The following VCPKMT variants were observed in gnomAD, a reference collection of about 807,000 sequenced individuals.
The protein encoded by VCPKMT is protein N-lysine methyltransferase METTL21D.
VCPKMT carries 32 observed loss-of-function variants against 28.6 expected under a neutral mutation model. The observed-to-expected ratio is 1.12, with a 90% confidence interval of 0.84 to 1.50. The LOEUF (loss-of-function observed/expected upper bound fraction) is 1.50, where lower values mean the gene tolerates loss of function less well. VCPKMT is among the 40% of genes most tolerant of loss of function. The pLI, the probability that VCPKMT is intolerant of heterozygous loss-of-function variation, is 0.00. For missense variants in VCPKMT, 366 were observed against 285.0 expected, an observed-to-expected ratio of 1.28 and a Z score of -2.05; for synonymous variants, 138 against 111.4, an observed-to-expected ratio of 1.24 and a Z score of -1.50.
chr14:50,112,616 G>A lies in VCPKMT; in HGVS notation c.674C>T (p.Ser225Leu), dbSNP rs750264926. 1.8e-5 allele frequency: 27 copies of A among 1,520,884 alleles called. No homozygotes were observed. Among genetic ancestry groups the A allele is most frequent in the Non-Finnish European group, 2.1e-5 (24 of 1,117,180 alleles). The allele number at this position is 1,520,884 out of a possible 1,614,324, so 94.2% of individuals were successfully genotyped here. Residue 225 changes from serine (S) to leucine (L), a missense_variant and splice_region_variant, in exon 5 of 6, where the codon TCG becomes TTG. Ser to Leu is a moderately radical substitution (Grantham distance 145, BLOSUM62 -2). Transcript: ENST00000395860. The part of the protein sequence containing the change: ...IHIIYIRKKK[S>L]KFPS ...TGAAGAACTGAGAATGTTATTTACCGATTTTTTCTTTCTGATGTATATAAT... is the reference window on the plus strand; with the variant it reads ...TGAAGAACTGAGAATGTTATTTACCAATTTTTTCTTTCTGATGTATATAAT...
chr14:50,115,962 CTT>C (rs766254612), intron 2 of VCPKMT, 51 bp from the exon 3 acceptor site: 110 of 1,601,520 alleles, frequency 6.9e-5, no homozygotes, highest in Admixed American at 3.9e-4. Flanking sequence ...TCAAAATACT[CTT>C]GTTTTATAAA....
At chr14:50,103,955 G>A (rs573945395), downstream of VCPKMT, among the ~76,000 whole-genome samples, 8 of 152,206 alleles carry the variant, frequency 5.3e-5, no homozygotes, top group African/African-American at 1.7e-4. Context: ...TAGTACCTAA[G>A]TACATTACAT....
chr14:50,108,520 T>C (rs904035274), downstream of VCPKMT: 3 of 801,628 alleles, frequency 3.7e-6, no homozygotes, highest in African/African-American at 5.6e-5. Flanking sequence ...CTGAAAGGAA[T>C]GAACTGATTT....
chr14:50,110,213 C>A (rs1033733672), intron 5 of VCPKMT, among the ~76,000 whole-genome samples: 56 of 152,150 alleles, frequency 3.7e-4, no homozygotes, highest in Non-Finnish European at 4.4e-5. Flanking sequence ...TGCCACTGCA[C>A]TCCAGACTGG....
downstream of VCPKMT, among the ~76,000 whole-genome samples, chr14:50,104,428 C>A (rs1741774240): frequency 3.9e-5 from 6 of 152,144 alleles, no homozygotes; most frequent in South Asian, 2.1e-4. Context: ...AAAAACTTAG[C>A]TTTTCCATTA....
At chr14:50,115,721 C>T in intron 3 of VCPKMT, 118 bp downstream of exon 3, 1 of 1,197,738 alleles carries the variant, frequency 8.3e-7, no homozygotes, top group Non-Finnish European at 1.2e-6. Flanking sequence ...TTTACTGCAT[C>T]AACTATAAGG....
chr14:50,103,934 T>C (rs982860738), downstream of VCPKMT, among the ~76,000 whole-genome samples: 4 of 152,220 alleles, frequency 2.6e-5, no homozygotes, highest in African/African-American at 9.6e-5. Context: ...ATTGAACACT[T>C]ACTATGTGCC....
At chr14:50,107,028 T>C (rs540492479), downstream of VCPKMT, among the ~76,000 whole-genome samples, 3 of 152,266 alleles carry the variant, frequency 2.0e-5, no homozygotes, top group African/African-American at 7.2e-5. Context: ...CCTCCTCCTG[T>C]GGTTTGTGAG....
At chr14:50,106,483 T>G, downstream of VCPKMT, 2 of 911,434 alleles carry the variant, frequency 2.2e-6, no homozygotes, top group Non-Finnish European at 2.6e-6. Flanking sequence ...CGTCCCCTCC[T>G]TCATGTTGTT....
At position 50,116,095 on chromosome 14, in the gene VCPKMT, AC is replaced by A; in HGVS notation, c.350del (p.Gly117ValfsTer8). ...ATTTCAGTACCTTGGCTTGAACAGA[AC>A]CAGTGACAAGATGCTTGTTCATATT... Reference protein sequence around the residue: ...NINMNKHLVTGSVQAKVLKWG... With the variant: ...NINMNKHLVTXSVQAKVLKWG... On this transcript the variant is annotated frameshift_variant, in exon 2 of 6. Coordinates refer to ENST00000395860, the MANE Select transcript of VCPKMT (RefSeq NM_024558.3). LOFTEE classifies it high-confidence loss of function. 6.2e-7 allele frequency: 1 copy of A among 1,613,664 alleles called. No homozygotes were observed. Among genetic ancestry groups the A allele is most frequent in the Non-Finnish European group, 8.5e-7 (1 of 1,179,774 alleles).
At position 50,116,462 on chromosome 14, in the gene VCPKMT, G is replaced by T; in HGVS notation, c.91C>A (p.Gln31Lys). ...CCCACGCCACCGGAGCTATACTGCTGTAGTCGTAGCACTGTACCATCCCGC... is the reference window on the plus strand; with the variant it reads ...CCCACGCCACCGGAGCTATACTGCTTTAGTCGTAGCACTGTACCATCCCGC... ...EKRDGTVLRL[Q>K]QYSSGGVGCV... The change falls in exon 1 of 6, where the codon CAG becomes AAG. Residue 31 changes from glutamine (Q) to lysine (K), a missense_variant. Coordinates refer to ENST00000395860, the MANE Select transcript of VCPKMT (RefSeq NM_024558.3). 6.2e-7 allele frequency: 1 copy of T among 1,614,070 alleles called. No individual in the cohort carries two copies. Among genetic ancestry groups the T allele is most frequent in the Non-Finnish European group, 8.5e-7 (1 of 1,179,972 alleles).
chr14:50,103,150 C>T, the VCPKMT span, among the ~76,000 whole-genome samples: 12 of 152,332 alleles, frequency 7.9e-5, no homozygotes, highest in African/African-American at 2.9e-4. Context: ...ATTGCACACC[C>T]CTTCTGAAGT....
At chr14:50,104,263 C>T (rs1437268560), downstream of VCPKMT, among the ~76,000 whole-genome samples, 2 of 152,150 alleles carry the variant, frequency 1.3e-5, no homozygotes. Flanking sequence ...GAATGTATCT[C>T]ACAGTTGATA....
At chr14:50,107,577 G>A (rs772736087), downstream of VCPKMT, among the ~76,000 whole-genome samples, 3 of 152,200 alleles carry the variant, frequency 2.0e-5, no homozygotes, top group African/African-American at 4.8e-5. Flanking sequence ...GCATACAGGC[G>A]TGAGCCACCG....
chr14:50,111,183 G>GAA lies in VCPKMT; in HGVS notation c.675+1430_675+1431dup, dbSNP rs57256362. 133 of 971,106 alleles carry GAA rather than the reference G, an allele frequency of 1.4e-4. No individual in the cohort carries two copies. In the African/African-American group the frequency reaches 2.3e-3, roughly 17 times the overall value. The allele number at this position is 971,106 out of a possible 1,614,324, so 60.2% of individuals were successfully genotyped here. ...AAAATAAGAGTTTTTTTTTTTGGCC[G>GAA]AAAAAAAAAAAAAAGCCTCTATATT... On this transcript the variant is annotated intron_variant, in intron 5 of 5. Transcript: ENST00000395860.
chr14:50,105,867 G>A (rs1036256958), downstream of VCPKMT, among the ~76,000 whole-genome samples: 2 of 152,006 alleles, frequency 1.3e-5, no homozygotes, highest in African/African-American at 4.8e-5. Flanking sequence ...TTGCCTTCTT[G>A]GCCAGATTCT....
At chr14:50,112,394 A>AAAAAAAAAC (rs1882744947) in intron 5 of VCPKMT, among the ~76,000 whole-genome samples, 1 of 33,672 alleles carries the variant, frequency 3.0e-5, no homozygotes, top group Non-Finnish European at 5.1e-5. Flanking sequence ...AAAAAATACG[A>AAAAAAAAAC]GAAAAAAAAA....
chr14:50,114,859 A>C (rs1488442167), intron 3 of VCPKMT, among the ~76,000 whole-genome samples: 1 of 152,128 alleles, frequency 6.6e-6, no homozygotes, highest in Admixed American at 6.5e-5. Context: ...TTAAAACAAA[A>C]ACAAACAAAC....
chr14:50,113,555 A>G lies in VCPKMT; in HGVS notation c.570+730T>C, dbSNP rs1034921776. The G allele has an allele frequency of 1.2e-4, 5 of 41,376 alleles. No homozygotes were observed. The Admixed American group carries it at 1.3e-3, about 11-fold the overall frequency. The allele number at this position is 41,376 out of a possible 1,614,324, so 2.6% of individuals were successfully genotyped here. Reference sequence around the variant, plus strand: ...ACAGATACATAAAACCCTATATACTATATTTTGCAACTTCCTGTAAGTCTT... The same window carrying G: ...ACAGATACATAAAACCCTATATACTGTATTTTGCAACTTCCTGTAAGTCTT... On this transcript the variant is annotated intron_variant, in intron 4 of 5. Coordinates refer to ENST00000395860, the MANE Select transcript of VCPKMT (RefSeq NM_024558.3).
Sources: allele counts gnomAD v4.1 joint callset (sites outside exome capture counted in the v4.1 genomes callset), GRCh38; gene constraint gnomAD v4.1.1; transcripts MANE v1.5; gene names NCBI Gene and HGNC (gene_info 2026-07-23, HGNC 2026-07-21).